The following NRK variants were observed in gnomAD, a reference collection of about 807,000 sequenced individuals.
The protein encoded by NRK is Nik related kinase.
In NRK, 67 loss-of-function variants were observed where a neutral mutation model predicts 125.2. The observed-to-expected ratio is 0.54, with a 90% CI of 0.44 to 0.66. NRK has a LOEUF of 0.66. Among genes scored for constraint, NRK ranks in the 30% least tolerant of loss-of-function variants. NRK has a pLI of 0.00. For synonymous variants in NRK, 458 were observed against 429.0 expected, an observed-to-expected ratio of 1.07 and a Z score of -0.84; for missense variants, 1,224 against 1,192.9, an observed-to-expected ratio of 1.03 and a Z score of -0.38.
intron 5 of NRK, among the ~76,000 whole-genome samples, chrX:105,892,782 T>G (rs2147724612): frequency 8.9e-6 from 1 of 111,815 alleles, no homozygotes; most frequent in South Asian, 3.7e-4. Context: ...TGCAATAATA[T>G]CAATGGTGAA....
At chrX:105,836,481 C>T (rs1503195) in intron 2 of NRK, among the ~76,000 whole-genome samples, 6,453 of 111,702 alleles carry the variant, frequency 0.058, 179 homozygotes, top group Non-Finnish European at 0.092. Context: ...CACTCATTGA[C>T]TTTACCTCTT....
In NRK at chrX:105,934,270, G is replaced by A. The variant is rs777002408; in HGVS notation, c.3325G>A (p.Gly1109Arg). Residue 1109 changes from glycine (G) to arginine (R), a missense_variant, in exon 20 of 29, where the codon GGA becomes AGA. Coordinates refer to ENST00000243300, the MANE Select transcript of NRK (RefSeq NM_198465.4). ...FEYLQEEPGG[G>R]NEASNAIDSG... is the part of the protein sequence containing the mutation. ...GGACTTCTTTTAGGAGCCAGGTGGT[G>A]GAAATGAGGCCTCAAATGCCATTGA... The A allele has an allele frequency of 6.0e-6, 7 of 1,168,571 alleles. No individual in the cohort carries two copies. The African/African-American group carries it at 9.1e-5, about 15-fold the overall frequency.
intron 21 of NRK, among the ~76,000 whole-genome samples, chrX:105,936,257 A>T (rs867894237): frequency 8.9e-6 from 1 of 112,049 alleles, no homozygotes; most frequent in Middle Eastern, 4.6e-3. Context: ...AATTATGTGG[A>T]TTAAAGAATT....
At position 105,923,470 on chromosome X, in the gene NRK, C is replaced by T. The variant is rs1308527753; in HGVS notation, c.2963C>T (p.Pro988Leu). The change falls in exon 18 of 29, where the codon CCT (proline) becomes CTT (leucine). Residue 988 changes from proline (P) to leucine (L), a missense_variant. Coordinates refer to ENST00000243300, the MANE Select transcript of NRK (RefSeq NM_198465.4). ...DDVNNNYYEAPSCPRASYGRD... is the reference protein window; with the variant it reads ...DDVNNNYYEALSCPRASYGRD... ...GTAAATAATAATTATTATGAGGCGC[C>T]TAGTTGTCCAAGGTTGGTTTTTTTG... 3.6e-6 allele frequency: 4 copies of T among 1,125,350 alleles called. No homozygotes were observed. In the African/African-American group the frequency reaches 5.5e-5, roughly 16 times the overall value. 92.7% of individuals were successfully genotyped at this position (1,125,350 alleles called of 1,213,427 possible).
At chrX:105,833,866 C>T (rs2039227093) in intron 2 of NRK, among the ~76,000 whole-genome samples, 1 of 111,254 alleles carries the variant, frequency 9.0e-6, no homozygotes, top group Admixed American at 9.6e-5. Context: ...TGTGGTTTCC[C>T]AACTGGTGTA....
intron 6 of NRK, chrX:105,895,167 AT>A (rs2040064520): frequency 2.0e-6 from 1 of 497,298 alleles, no homozygotes; most frequent in Non-Finnish European, 3.6e-6. Flanking sequence ...AAGTGGCCCA[AT>A]GTATACAAAC....
intron 23 of NRK, among the ~76,000 whole-genome samples, chrX:105,942,552 T>G (rs1374599395): frequency 8.9e-6 from 1 of 111,997 alleles, no homozygotes; most frequent in African/African-American, 3.2e-5. Context: ...CCTTTGCCTG[T>G]TTTTTAATTG....
intron 2 of NRK, among the ~76,000 whole-genome samples, chrX:105,865,802 T>TGTAGG (rs1235841745): frequency 9.0e-6 from 1 of 110,951 alleles, no homozygotes; most frequent in Non-Finnish European, 1.9e-5. Flanking sequence ...CATACAGCCT[T>TGTAGG]GTAGGCATTG....
chrX:105,915,852 T>TA, intron 15 of NRK, 55 bp downstream of exon 15: 1 of 654,911 alleles, frequency 1.5e-6, no homozygotes, highest in Non-Finnish European at 2.4e-6. Context: ...AATGGAAAAT[T>TA]AAAAATTATT....
chrX:105,909,528 C>T lies in NRK; in HGVS notation c.1887C>T (p.Pro629=). 1 of 1,210,419 alleles carries T rather than the reference C, an allele frequency of 8.3e-7. No homozygotes were observed. Among genetic ancestry groups the T allele is most frequent in the African/African-American group, 1.7e-5 (1 of 57,743 alleles). The change falls in exon 13 of 29, where the codon CCC becomes CCT. Residue 629 remains proline, a synonymous_variant. Transcript: ENST00000243300. ...SPQAQAWTLE[P]PQAIGSVQAL... ...AGGCACAGGCTTGGACACTAGAACC[C>T]CCACAGGCAATTGGCTCAGTTCAAG... is the stretch of plus-strand genomic sequence containing the variant.
At chrX:105,916,963 A>T (rs962186874) in intron 15 of NRK, among the ~76,000 whole-genome samples, 1 of 111,504 alleles carries the variant, frequency 9.0e-6, no homozygotes, top group African/African-American at 3.2e-5. Context: ...AAGTTTGTCT[A>T]TTCCAGACCT....
Position 105,904,877 on chromosome X carries a change from G to A in NRK, c.767-388G>A, listed in dbSNP as rs540118588. 1.4e-4 allele frequency among the ~76,000 whole-genome samples: 16 copies of A among 111,558 alleles called. 1 individual carries two copies. The highest frequency in any genetic ancestry group is 4.5e-4 in the African/African-American group (14 of 30,805). ...TAAATATTATTGTACTAAGCTAGTA[G>A]TCTGGTTGAATTTTTCAGTCTGTAA... On this transcript the variant is annotated intron_variant, in intron 9 of 28. Transcript: ENST00000243300.
chrX:105,920,074 G>T (rs2040419986), intron 16 of NRK, among the ~76,000 whole-genome samples: 1 of 105,662 alleles, frequency 9.5e-6, no homozygotes, highest in African/African-American at 3.5e-5. Flanking sequence ...TTTTGTATAA[G>T]GTGAAAGGAA....
chrX:105,935,440 T>G (rs1383059287), intron 21 of NRK, 115 bp downstream of exon 21: 4 of 495,783 alleles, frequency 8.1e-6, no homozygotes, highest in Non-Finnish European at 1.2e-5. Context: ...AATATATTTA[T>G]AGTAGTTAAT....
intron 1 of NRK, among the ~76,000 whole-genome samples, chrX:105,823,266 G>C (rs1456328741): frequency 8.9e-6 from 1 of 112,181 alleles, no homozygotes; most frequent in Admixed American, 9.4e-5. Flanking sequence ...AAAGTGCAAC[G>C]TCGGGTGGCT....
At chrX:105,837,905 A>G (rs2039285331) in intron 2 of NRK, among the ~76,000 whole-genome samples, 1 of 111,795 alleles carries the variant, frequency 8.9e-6, no homozygotes, top group Non-Finnish European at 1.9e-5. Flanking sequence ...CCACAGTATT[A>G]AGAAAGAGAC....
Position 105,829,718 on chromosome X carries a change from G to T in NRK, c.58-1336G>T, listed in dbSNP as rs149307727. 9.9e-5 allele frequency among the ~76,000 whole-genome samples: 11 copies of T among 111,409 alleles called. No individual in the cohort carries two copies. The East Asian group carries it at 2.3e-3, about 23-fold the overall frequency. ...TTGTTTCCTATGATGCCACATTTAG[G>T]GTTAAGCCACAGAAAACGTCACTTT... On this transcript the variant is annotated intron_variant, in intron 1 of 28. Coordinates refer to ENST00000243300, the MANE Select transcript of NRK (RefSeq NM_198465.4).
Position 105,909,854 on chromosome X carries a change from A to T in NRK, c.2213A>T (p.His738Leu). The change falls in exon 13 of 29, where the codon CAT becomes CTT. Residue 738 changes from histidine (H) to leucine (L), a missense_variant. Coordinates refer to ENST00000243300, the MANE Select transcript of NRK (RefSeq NM_198465.4). ...QRRWEDIFNQ[H>L]EEELRQVDKD... The stretch of plus-strand genomic sequence containing the variant: ...AGATGGGAAGATATCTTTAATCAGC[A>T]TGAGGAAGAATTGAGACAAGTTGAT... 2 of 1,143,779 alleles carry T rather than the reference A, an allele frequency of 1.7e-6. No homozygotes were observed. Among genetic ancestry groups the T allele is most frequent in the Non-Finnish European group, 2.3e-6 (2 of 858,105 alleles). 94.3% of individuals were successfully genotyped at this position (1,143,779 alleles called of 1,213,427 possible).
At chrX:105,900,169 CACACACACACA>C (rs1368760007) in intron 8 of NRK, among the ~76,000 whole-genome samples, 8 of 108,365 alleles carry the variant, frequency 7.4e-5, no homozygotes, top group African/African-American at 2.7e-4. Context: ...CACACACACA[CACACACACACA>C]CACACACACA....
Sources: allele counts gnomAD v4.1 joint callset (sites outside exome capture counted in the v4.1 genomes callset), GRCh38; gene constraint gnomAD v4.1.1; transcripts MANE v1.5; gene names NCBI Gene and HGNC (gene_info 2026-07-23, HGNC 2026-07-21).